Variants in EDARADD observed in about 807,000 individuals in gnomAD.
EDARADD encodes EDAR associated via death domain, also known as ectodysplasin-A receptor-associated adapter protein.
EDARADD carries 20 observed loss-of-function variants against 25.6 expected under a neutral mutation model. The ratio of observed to expected loss-of-function variants is 0.78; its 90% CI spans 0.55 to 1.14. The LOEUF (loss-of-function observed/expected upper bound fraction) is 1.14, where lower values mean the gene tolerates loss of function less well. Among genes scored for constraint, EDARADD ranks in the 50% most tolerant of loss-of-function variants. EDARADD has a pLI of 0.00. For missense variants in EDARADD, 225 were observed against 270.1 expected (o/e 0.83, Z 1.17); for synonymous variants, 86 against 94.4 (o/e 0.91, Z 0.52).
At chr1:236,473,106 A>G (rs997036043) in intron 5 of EDARADD, among the ~76,000 whole-genome samples, 4 of 152,240 alleles carry the variant, frequency 2.6e-5, no homozygotes, top group African/African-American at 4.8e-5. Flanking sequence ...CCTGGTGTGC[A>G]GCAGTGACAC....
intron 5 of EDARADD, among the ~76,000 whole-genome samples, chr1:236,468,633 A>G (rs1021283560): frequency 6.6e-6 from 1 of 152,196 alleles, no homozygotes; most frequent in Non-Finnish European, 1.5e-5. Flanking sequence ...AAATTAAATT[A>G]AATAAAATAA....
At chr1:236,389,318 C>T (rs1299345140), upstream of EDARADD, among the ~76,000 whole-genome samples, 1 of 152,180 alleles carries the variant, frequency 6.6e-6, no homozygotes, top group Non-Finnish European at 1.5e-5. Flanking sequence ...GCACCTACCA[C>T]TCCCCACCCA....
At chr1:236,361,125 A>G (rs1019205241) in intron 3 of EDARADD, among the ~76,000 whole-genome samples, 1 of 152,148 alleles carries the variant, frequency 6.6e-6, no homozygotes, top group Non-Finnish European at 1.5e-5. Flanking sequence ...AACTTGATAA[A>G]TGTTCATGTA....
At chr1:236,477,985 C>T (rs1264613224) in intron 5 of EDARADD, among the ~76,000 whole-genome samples, 1 of 151,988 alleles carries the variant, frequency 6.6e-6, no homozygotes, top group Non-Finnish European at 1.5e-5. Context: ...TGCCTGTAGT[C>T]CCAACTACTC....
chr1:236,476,254 G>T (rs1342009823), intron 5 of EDARADD, among the ~76,000 whole-genome samples: 1 of 151,916 alleles, frequency 6.6e-6, no homozygotes, highest in South Asian at 2.1e-4. Context: ...GAAACCTTCT[G>T]ATGTTTTTTT....
chr1:236,472,108 G>T (rs938899559), intron 5 of EDARADD, among the ~76,000 whole-genome samples: 3 of 151,938 alleles, frequency 2.0e-5, no homozygotes, highest in African/African-American at 7.3e-5. Context: ...TATTTGAGTG[G>T]GATACGATGG....
At chr1:236,407,980 GA>G (rs1355979289) in intron 1 of EDARADD, among the ~76,000 whole-genome samples, 1 of 152,058 alleles carries the variant, frequency 6.6e-6, no homozygotes, top group Admixed American at 6.6e-5. Context: ...AGAAGATTAA[GA>G]AAAATGAGTT....
chr1:236,483,557 C>A lies in EDARADD; in HGVS notation c.*908C>A. 8.0e-7 allele frequency: 1 copy of A among 1,242,770 alleles called. No homozygotes were observed. Among genetic ancestry groups the A allele is most frequent in the Non-Finnish European group, 1.2e-6 (1 of 843,950 alleles). The allele number at this position is 1,242,770 out of a possible 1,614,324, so 77.0% of individuals were successfully genotyped here. On this transcript the variant is annotated 3_prime_UTR_variant, in exon 6 of 6. Transcript: ENST00000334232. ...CTGTTGAGAAGGGGGTTCCCCTGTA[C>A]CACCACATCGCCGACTTGTCTGGCA...
chr1:236,402,383 C>T (rs370517587), intron 1 of EDARADD, among the ~76,000 whole-genome samples: 1 of 151,908 alleles, frequency 6.6e-6, no homozygotes, highest in African/African-American at 2.4e-5. Flanking sequence ...CATAGTGAGA[C>T]CCCCATCTCT....
At chr1:236,369,862 A>AG (rs1156626612) in intron 3 of EDARADD, among the ~76,000 whole-genome samples, 1 of 151,740 alleles carries the variant, frequency 6.6e-6, no homozygotes, top group Non-Finnish European at 1.5e-5. Flanking sequence ...AAGCAAAAAA[A>AG]AATTGTTATC....
intron 5 of EDARADD, among the ~76,000 whole-genome samples, chr1:236,473,029 T>A (rs1041114572): frequency 6.6e-6 from 1 of 152,220 alleles, no homozygotes; most frequent in Non-Finnish European, 1.5e-5. Context: ...ATTTTCTTCT[T>A]GAACTGTGTC....
intron 5 of EDARADD, among the ~76,000 whole-genome samples, chr1:236,479,514 A>C (rs1558138974): frequency 6.6e-6 from 1 of 150,796 alleles, no homozygotes; most frequent in Non-Finnish European, 1.5e-5. Context: ...GAAAAAAAAA[A>C]CCTCTCTATT....
At chr1:236,437,551 C>T (rs1658289817) in intron 4 of EDARADD, among the ~76,000 whole-genome samples, 1 of 151,976 alleles carries the variant, frequency 6.6e-6, no homozygotes, top group Admixed American at 6.6e-5. Flanking sequence ...GGGATGTAAT[C>T]CCAAGGGCCT....
intron 3 of EDARADD, among the ~76,000 whole-genome samples, chr1:236,417,496 A>C (rs1193337065): frequency 3.9e-5 from 6 of 152,154 alleles, no homozygotes; most frequent in Admixed American, 6.5e-5. Flanking sequence ...AAATGTGTTG[A>C]TATAAATTAT....
rs1274967947 is a variant in EDARADD, at chr1:236,353,748, C to T, written c.-6+2909C>T. 5.3e-5 allele frequency among the ~76,000 whole-genome samples: 8 copies of T among 150,200 alleles called. No homozygotes were observed. The South Asian group carries it at 8.4e-4, about 16-fold the overall frequency. ...AAATGGACCCTATTTGGTAGTTACT[C>T]GACTGTGTGTAATATTTTAGTTGTT... On this transcript the variant is annotated intron_variant, in intron 3 of 7. Transcript: ENST00000439430.
chr1:236,361,395 AACCTCC>A (rs1667046001), intron 3 of EDARADD, among the ~76,000 whole-genome samples: 1 of 151,852 alleles, frequency 6.6e-6, no homozygotes, highest in South Asian at 2.1e-4. Flanking sequence ...GGCTCACTGC[AACCTCC>A]ACCTCCGGGT....
chr1:236,462,696 A>G (rs1659070172), intron 4 of EDARADD, among the ~76,000 whole-genome samples: 1 of 152,250 alleles, frequency 6.6e-6, no homozygotes, highest in Non-Finnish European at 1.5e-5. Context: ...TTTATAAACT[A>G]ACCAAGGTGT....
chr1:236,482,380 A>G lies in EDARADD; in HGVS notation c.379A>G (p.Ile127Val). 1.9e-6 allele frequency: 3 copies of G among 1,614,174 alleles called. No homozygotes were observed. Among genetic ancestry groups the G allele is most frequent in the Non-Finnish European group, 2.5e-6 (3 of 1,180,034 alleles). The change falls in exon 6 of 6, where the codon ATA becomes GTA. Residue 127 changes from isoleucine to valine, a missense_variant. Transcript: ENST00000334232. ...TCAGGACTTACTAGACGTGATCAGG[A>G]TAAAGCTGGATCCGTGTCACCCAAC... Reference protein sequence around the residue: ...NDQDLLDVIRIKLDPCHPTVK... With the variant: ...NDQDLLDVIRVKLDPCHPTVK...
intron 3 of EDARADD, among the ~76,000 whole-genome samples, chr1:236,352,358 G>T (rs754166785): frequency 6.6e-6 from 1 of 152,112 alleles, no homozygotes; most frequent in Non-Finnish European, 1.5e-5. Flanking sequence ...ATTTTAGTTT[G>T]GTCTGTTGAG....
Sources: allele counts gnomAD v4.1 joint callset (sites outside exome capture counted in the v4.1 genomes callset), GRCh38; gene constraint gnomAD v4.1.1; transcripts MANE v1.5; gene names NCBI Gene and HGNC (gene_info 2026-07-23, HGNC 2026-07-21).